Variants in KIAA1671 observed in about 807,000 individuals in gnomAD.
KIAA1671 encodes uncharacterized protein KIAA1671.
KIAA1671 carries 52 observed loss-of-function variants against 131.2 expected under a neutral mutation model. The observed-to-expected ratio is 0.40, with a 90% confidence interval of 0.32 to 0.50. KIAA1671 has a LOEUF of 0.50. KIAA1671 is among the 20% of genes least tolerant of loss of function. The pLI is 0.73. For synonymous variants in KIAA1671, 1,003 were observed against 961.6 expected, an observed-to-expected ratio of 1.04 and a Z score of -0.80; for missense variants, 2,360 against 2,364.2, an observed-to-expected ratio of 1.00 and a Z score of 0.04.
At chr22:25,072,713 C>T (rs367575512) in intron 6 of KIAA1671, among the ~76,000 whole-genome samples, 4 of 152,158 alleles carry the variant, frequency 2.6e-5, no homozygotes, top group African/African-American at 7.2e-5. Flanking sequence ...ATCTGCAAAG[C>T]GAGGCCCCGC....
At chr22:25,147,081 A>G (rs574097770) in intron 6 of KIAA1671, among the ~76,000 whole-genome samples, 1 of 151,972 alleles carries the variant, frequency 6.6e-6, no homozygotes, top group Admixed American at 6.5e-5. Flanking sequence ...GGGATGCTCC[A>G]CCCCCTTCCT....
chr22:25,150,894 G>A lies in KIAA1671; in HGVS notation c.4531-19926G>A, dbSNP rs563835331. ...ATCGCCCAGGCTGGAGTGCCGTGGCGCAATCTCGGCTTACTGCAAGCTCCG... is the reference window on the plus strand; with the variant it reads ...ATCGCCCAGGCTGGAGTGCCGTGGCACAATCTCGGCTTACTGCAAGCTCCG... On this transcript the variant is annotated intron_variant, in intron 6 of 12. Transcript: ENST00000358431. 3.3e-5 allele frequency among the ~76,000 whole-genome samples: 5 copies of A among 150,328 alleles called. No individual in the cohort carries two copies. In the South Asian group the frequency reaches 8.5e-4, roughly 26 times the overall value.
At chr22:24,988,178 G>A (rs1331844445) in intron 1 of KIAA1671, among the ~76,000 whole-genome samples, 9 of 151,950 alleles carry the variant, frequency 5.9e-5, no homozygotes, top group Non-Finnish European at 1.5e-5. Context: ...TACTTGGGAG[G>A]CTGAGGCAGG....
rs200412902 is a variant in KIAA1671, at chr22:25,018,268, A to G, written c.-207-7365A>G. On this transcript the variant is annotated intron_variant, in intron 1 of 12. Coordinates refer to ENST00000358431, the MANE Select transcript of KIAA1671 (RefSeq NM_001145206.2). ...GTCCAGGCATAGCCCAGCGTAGACCATGAGGGCTTTTAATAGAGATTCGCC... is the reference window on the plus strand; with the variant it reads ...GTCCAGGCATAGCCCAGCGTAGACCGTGAGGGCTTTTAATAGAGATTCGCC... Among the ~76,000 whole-genome samples, 447 of 125,850 alleles carry G rather than the reference A, an allele frequency of 3.6e-3. 17 individuals carry two copies. In the South Asian group the frequency reaches 0.073, roughly 21 times the overall value. The allele number at this position is 125,850 out of a possible 152,430, so 82.6% of individuals were successfully genotyped here.
At position 25,039,368 on chromosome 22, in the gene KIAA1671, G is replaced by A. The variant is rs1483180573; in HGVS notation, c.2238G>A (p.Glu746=). 1 of 1,551,726 alleles carries A rather than the reference G, an allele frequency of 6.4e-7. No individual in the cohort carries two copies. The highest frequency in any genetic ancestry group is 2.0e-5 in the Admixed American group (1 of 50,990). ...VHAVGERVHS[E]AISPAPEEKA... is the part of the protein sequence containing the mutation. ...CAGTGGGAGAGCGTGTGCACAGCGA[G>A]GCCATCTCACCGGCACCGGAGGAGA... Residue 746 remains glutamate, a synonymous_variant, in exon 5 of 13, where the codon GAG becomes GAA. Coordinates refer to ENST00000358431, the MANE Select transcript of KIAA1671 (RefSeq NM_001145206.2).
intron 1 of KIAA1671, among the ~76,000 whole-genome samples, chr22:25,004,112 C>A (rs567969008): frequency 1.3e-5 from 2 of 148,584 alleles, no homozygotes; most frequent in South Asian, 4.4e-4. Context: ...CCACTGTGCC[C>A]GGCCATTTTT....
rs1362312111 is a variant in KIAA1671 at position 25,197,388 on chromosome 22, G to A, written c.*4987G>A. 1 of 152,224 alleles carries A rather than the reference G, an allele frequency of 6.6e-6. No homozygotes were observed. Among genetic ancestry groups the A allele is most frequent in the Non-Finnish European group, 1.5e-5 (1 of 68,042 alleles). 9.4% of individuals were successfully genotyped at this position (152,224 alleles called of 1,614,324 possible). ...ACAAGATGACCTTTGCATGTACAAAGATGTTGCATTCAGACTATGAAAATA... is the reference window on the plus strand; with the variant it reads ...ACAAGATGACCTTTGCATGTACAAAAATGTTGCATTCAGACTATGAAAATA... On this transcript the variant is annotated 3_prime_UTR_variant, in exon 13 of 13. Coordinates refer to ENST00000358431, the MANE Select transcript of KIAA1671 (RefSeq NM_001145206.2).
At chr22:25,180,674 G>A (rs1934235615) in intron 9 of KIAA1671, among the ~76,000 whole-genome samples, 1 of 152,212 alleles carries the variant, frequency 6.6e-6, no homozygotes, top group Non-Finnish European at 1.5e-5. Context: ...TTTGCCCATA[G>A]CAAACATTAG....
At chr22:24,979,639 G>A (rs1398694576) in intron 1 of KIAA1671, among the ~76,000 whole-genome samples, 2 of 151,992 alleles carry the variant, frequency 1.3e-5, no homozygotes, top group East Asian at 1.9e-4. Flanking sequence ...GTGAGCCACC[G>A]CGCCCGGCCA....
chr22:25,017,868 C>G (rs540664885), intron 1 of KIAA1671, among the ~76,000 whole-genome samples: 1 of 152,172 alleles, frequency 6.6e-6, no homozygotes, highest in Non-Finnish European at 1.5e-5. Flanking sequence ...TACATGTGCC[C>G]CATCAGGGCA....
At chr22:25,181,238 A>T (rs1004131570) in intron 9 of KIAA1671, among the ~76,000 whole-genome samples, 3 of 152,280 alleles carry the variant, frequency 2.0e-5, no homozygotes, top group Admixed American at 2.0e-4. Flanking sequence ...TAAGTCCTGG[A>T]TAGGGGAGTT....
chr22:25,179,556 T>A (rs1190240798), intron 9 of KIAA1671: 3 of 1,572,400 alleles, frequency 1.9e-6, no homozygotes, highest in South Asian at 2.3e-5. Flanking sequence ...GCCTCCTGCG[T>A]TGGGAAGGGA....
chr22:25,036,278 C>A (rs1926588711), intron 4 of KIAA1671, among the ~76,000 whole-genome samples: 1 of 151,872 alleles, frequency 6.6e-6, no homozygotes, highest in African/African-American at 2.4e-5. Flanking sequence ...CAGGGTTTCT[C>A]CATGTTGGTC....
chr22:25,033,361 G>C (rs1225246096), intron 4 of KIAA1671, among the ~76,000 whole-genome samples: 1 of 152,058 alleles, frequency 6.6e-6, no homozygotes, highest in Non-Finnish European at 1.5e-5. Context: ...CTGCACTCTA[G>C]CCTGGGCGAC....
rs371966904 is a variant in KIAA1671, at chr22:25,177,442, G to A, written c.4994G>A (p.Arg1665His). The A allele has an allele frequency of 3.5e-5, 54 of 1,551,722 alleles. 1 individual carries two copies. In the East Asian group the frequency reaches 3.7e-4, roughly 11 times the overall value. The change falls in exon 9 of 13, where the codon CGC (arginine) becomes CAC (histidine). Residue 1665 changes from arginine to histidine, a missense_variant. By Grantham distance (29) the Arg-to-His change is conservative (BLOSUM62 0). This residue lies in a region of KIAA1671 where 1,161 missense variants were observed against 1,204.7 expected (regional missense o/e 0.96). Transcript: ENST00000358431. ...GCCCCCATCTCCCACTCCCTCCGGCGCAGCCGATTTAGTGAGTCCGAGAGC... is the reference window on the plus strand; with the variant it reads ...GCCCCCATCTCCCACTCCCTCCGGCACAGCCGATTTAGTGAGTCCGAGAGC... ...RRAPISHSLRRSRFSESESRS... is the reference protein window; with the variant it reads ...RRAPISHSLRHSRFSESESRS...
intron 1 of KIAA1671, among the ~76,000 whole-genome samples, chr22:24,973,705 A>G (rs1284760716): frequency 6.6e-6 from 1 of 151,902 alleles, no homozygotes; most frequent in Non-Finnish European, 1.5e-5. Flanking sequence ...TATTGCATAT[A>G]ATTATTTATA....
chr22:25,069,887 A>T (rs1187909955), intron 6 of KIAA1671: 1 of 153,074 alleles, frequency 6.5e-6, no homozygotes, highest in Admixed American at 6.5e-5. Context: ...ACACACTCGT[A>T]TGCACACATG....
At chr22:25,129,400 G>A (rs550000211) in intron 6 of KIAA1671, among the ~76,000 whole-genome samples, 8 of 151,908 alleles carry the variant, frequency 5.3e-5, no homozygotes, top group African/African-American at 1.5e-4. Context: ...CCAGCTACTC[G>A]GAAGGCTGAG....
chr22:25,124,673 C>A (rs1314385399), intron 6 of KIAA1671, among the ~76,000 whole-genome samples: 1 of 152,206 alleles, frequency 6.6e-6, no homozygotes, highest in Non-Finnish European at 1.5e-5. Context: ...GGCACAGTTG[C>A]TATCCTTACA....
Sources: allele counts gnomAD v4.1 joint callset (sites outside exome capture counted in the v4.1 genomes callset), GRCh38; gene constraint gnomAD v4.1.1; regional missense constraint gnomAD v4.1.1; transcripts MANE v1.5; gene names NCBI Gene and HGNC (gene_info 2026-07-23, HGNC 2026-07-21).